The following ALCAM variants were observed in gnomAD, a reference collection of about 807,000 sequenced individuals.
ALCAM encodes CD166 antigen.
ALCAM carries 30 observed loss-of-function variants against 70.9 expected under a neutral mutation model. The ratio of observed to expected loss-of-function variants is 0.42; its 90% CI spans 0.32 to 0.57. The LOEUF (loss-of-function observed/expected upper bound fraction) is 0.57, where lower values mean the gene tolerates loss of function less well. Among genes scored for constraint, ALCAM ranks in the 20% least tolerant of loss-of-function variants. The pLI, the probability that ALCAM is intolerant of heterozygous loss-of-function variation, is 0.11. For synonymous variants in ALCAM, 249 were observed against 242.5 expected, an observed-to-expected ratio of 1.03 and a Z score of -0.25; for missense variants, 591 against 695.1, an observed-to-expected ratio of 0.85 and a Z score of 1.68.
At position 105,575,768 on chromosome 3, in the gene ALCAM, A is replaced by G. The variant is rs895193397; in HGVS notation, c.*1317A>G. On this transcript the variant is annotated 3_prime_UTR_variant, in exon 16 of 16. Coordinates refer to ENST00000306107, the MANE Select transcript of ALCAM (RefSeq NM_001627.4). ...CCTGGTTTCTGGGAGAACACTGCAC[A>G]GCGATTTCTTTCCCAGGATTTACAC... 1.3e-5 allele frequency: 2 copies of G among 152,142 alleles called. No homozygotes were observed. The highest frequency in any genetic ancestry group is 2.9e-5 in the Non-Finnish European group (2 of 68,040). The allele number at this position is 152,142 out of a possible 1,614,324, so 9.4% of individuals were successfully genotyped here.
intron 11 of ALCAM, among the ~76,000 whole-genome samples, chr3:105,548,702 A>G (rs1403610550): frequency 6.6e-6 from 1 of 151,456 alleles, no homozygotes; most frequent in African/African-American, 2.4e-5. Context: ...GGGGACACAC[A>G]GTAAGAAAGC....
chr3:105,459,729 T>C (rs1395528297), intron 1 of ALCAM, among the ~76,000 whole-genome samples: 1 of 152,148 alleles, frequency 6.6e-6, no homozygotes, highest in Non-Finnish European at 1.5e-5. Flanking sequence ...ACAAATTTCC[T>C]TGTAGTTTGT....
intron 9 of ALCAM, among the ~76,000 whole-genome samples, chr3:105,546,111 G>A (rs552297988): frequency 6.6e-6 from 1 of 151,436 alleles, no homozygotes; most frequent in South Asian, 2.1e-4. Flanking sequence ...AAAAGGTTGT[G>A]ATTGCGATCC....
rs562196984 is a variant in ALCAM at position 105,459,007 on chromosome 3, A to G, written c.74-61060A>G. Among the ~76,000 whole-genome samples, 26 of 152,300 alleles carry G rather than the reference A, an allele frequency of 1.7e-4. No homozygotes were observed. In the South Asian group the frequency reaches 4.1e-3, roughly 24 times the overall value. ...ATTCTTTTCTCACTCAGTTATTCACACAAATTTTTGTTATGTGTCATGCAT... is the reference window on the plus strand; with the variant it reads ...ATTCTTTTCTCACTCAGTTATTCACGCAAATTTTTGTTATGTGTCATGCAT... On this transcript the variant is annotated intron_variant, in intron 1 of 15. Coordinates refer to ENST00000306107, the MANE Select transcript of ALCAM (RefSeq NM_001627.4).
At chr3:105,460,287 T>C (rs180765572) in intron 1 of ALCAM, among the ~76,000 whole-genome samples, 105 of 152,190 alleles carry the variant, frequency 6.9e-4, no homozygotes, top group African/African-American at 2.4e-3. Flanking sequence ...TTAAAAGTGC[T>C]GCACAGATTT....
chr3:105,368,073 C>T (rs1472845386), intron 1 of ALCAM, among the ~76,000 whole-genome samples: 1 of 151,728 alleles, frequency 6.6e-6, no homozygotes, highest in Non-Finnish European at 1.5e-5. Context: ...ATTGTCTGGG[C>T]GGGTGGTGAG....
At chr3:105,483,158 G>C (rs1938319541) in intron 1 of ALCAM, among the ~76,000 whole-genome samples, 1 of 152,078 alleles carries the variant, frequency 6.6e-6, no homozygotes, top group Non-Finnish European at 1.5e-5. Context: ...AAGATAGCAG[G>C]CATCATGTAT....
At chr3:105,570,149 A>G (rs1449088257) in intron 14 of ALCAM, among the ~76,000 whole-genome samples, 1 of 152,280 alleles carries the variant, frequency 6.6e-6, no homozygotes, top group African/African-American at 2.4e-5. Flanking sequence ...AAGAAAATAC[A>G]ATCAATAATC....
At chr3:105,525,324 A>C in intron 3 of ALCAM, 2 of 982,134 alleles carry the variant, frequency 2.0e-6, no homozygotes, top group Non-Finnish European at 2.4e-6. Context: ...TACTGTGCAA[A>C]TAACTGTGCA....
intron 1 of ALCAM, among the ~76,000 whole-genome samples, chr3:105,420,051 G>A (rs898779312): frequency 6.6e-6 from 1 of 151,682 alleles, no homozygotes; most frequent in Non-Finnish European, 1.5e-5. Flanking sequence ...AACCGTTTTG[G>A]AATTTTTGCA....
intron 1 of ALCAM, among the ~76,000 whole-genome samples, chr3:105,386,925 A>C (rs115398423): frequency 6.5e-4 from 98 of 151,638 alleles, no homozygotes; most frequent in Non-Finnish European, 1.0e-3. Context: ...CAAAGGTTAC[A>C]TGAGCAAATT....
At chr3:105,410,849 T>C (rs1329117659) in intron 1 of ALCAM, among the ~76,000 whole-genome samples, 5 of 15,520 alleles carry the variant, frequency 3.2e-4, no homozygotes, top group Non-Finnish European at 1.2e-4. Flanking sequence ...AAAATAAAAA[T>C]TGTTATGAAA....
intron 6 of ALCAM, among the ~76,000 whole-genome samples, chr3:105,535,843 CA>C (rs1417940065): frequency 6.6e-6 from 1 of 151,996 alleles, no homozygotes; most frequent in Non-Finnish European, 1.5e-5. Context: ...AGAGAAAAGC[CA>C]GGAATGCCTG....
At chr3:105,479,135 A>T (rs186998301) in intron 1 of ALCAM, among the ~76,000 whole-genome samples, 1 of 152,332 alleles carries the variant, frequency 6.6e-6, no homozygotes, top group African/African-American at 2.4e-5. Flanking sequence ...TTCTTTAAAT[A>T]AAATTCATAT....
intron 15 of ALCAM, among the ~76,000 whole-genome samples, chr3:105,573,612 C>T (rs1465749507): frequency 6.6e-6 from 1 of 152,122 alleles, no homozygotes; most frequent in Non-Finnish European, 1.5e-5. Context: ...AGGTATGTTT[C>T]CATGGCATTG....
intron 1 of ALCAM, among the ~76,000 whole-genome samples, chr3:105,453,850 A>G (rs1937492193): frequency 6.6e-6 from 1 of 152,206 alleles, no homozygotes; most frequent in Non-Finnish European, 1.5e-5. Flanking sequence ...ATGGGAGTTC[A>G]TTCATGATTT....
chr3:105,415,552 T>C (rs1936487206), intron 1 of ALCAM, among the ~76,000 whole-genome samples: 1 of 152,144 alleles, frequency 6.6e-6, no homozygotes, highest in South Asian at 2.1e-4. Flanking sequence ...GAAACATTTA[T>C]TGGTTCTCTT....
At chr3:105,552,645 G>GT in intron 14 of ALCAM, 60 bp downstream of exon 14, 1 of 1,608,356 alleles carries the variant, frequency 6.2e-7, no homozygotes, top group Non-Finnish European at 8.5e-7. Context: ...AAAATACAAT[G>GT]TGCTAATTTT....
chr3:105,542,734 G>T (rs1281013884), intron 8 of ALCAM, among the ~76,000 whole-genome samples: 1 of 151,740 alleles, frequency 6.6e-6, no homozygotes, highest in Non-Finnish European at 1.5e-5. Context: ...CTAAATTTTT[G>T]AGAGAGATAC....
Sources: gnomAD v4.1 joint callset for allele counts (sites outside exome capture counted in the v4.1 genomes callset) on GRCh38, gnomAD v4.1.1 for gene constraint, MANE v1.5 for transcripts, NCBI Gene and HGNC (gene_info 2026-07-23, HGNC 2026-07-21) for gene names.